The following MED27 variants were observed in gnomAD, a reference collection of about 807,000 sequenced individuals.
MED27 encodes the protein mediator complex subunit 27, also known as mediator of RNA polymerase II transcription subunit 27.
In MED27, 30 loss-of-function variants were observed where a neutral mutation model predicts 38.2. That is an observed-to-expected ratio of 0.79 (90% CI 0.59 to 1.07). MED27 has a LOEUF of 1.07. Ranked by LOEUF, MED27 falls within the 50% of genes least tolerant of loss-of-function variation. MED27 has a pLI of 0.00. For missense variants in MED27, 289 were observed against 397.5 expected, an observed-to-expected ratio of 0.73 and a Z score of 2.32; for synonymous variants, 122 against 153.5, an observed-to-expected ratio of 0.79 and a Z score of 1.52.
rs1183592567 is a variant in MED27, at chr9:131,872,273, A to G, written c.724-9133T>C. Among the ~76,000 whole-genome samples the G allele has an allele frequency of 6.6e-6, 1 of 151,918 alleles. No homozygotes were observed. Among genetic ancestry groups the G allele is most frequent in the Non-Finnish European group, 1.5e-5 (1 of 67,950 alleles). ...GGCCGAGCAGCGCCTGGGGGAGCTGAGCTTGAACAGAGACGCTCTTCCTAA... is the reference window on the plus strand; with the variant it reads ...GGCCGAGCAGCGCCTGGGGGAGCTGGGCTTGAACAGAGACGCTCTTCCTAA... On this transcript the variant is annotated intron_variant, in intron 6 of 7. Coordinates refer to ENST00000292035, the MANE Select transcript of MED27 (RefSeq NM_004269.4). This position sits in a 1 kb window ranked among gnomAD's most constrained non-coding sequence, Gnocchi z 5.6.
chr9:132,048,372 T>C (rs750318340), intron 2 of MED27, among the ~76,000 whole-genome samples: 9 of 152,132 alleles, frequency 5.9e-5, no homozygotes, highest in African/African-American at 1.7e-4. Flanking sequence ...CTACAGCTGA[T>C]AGTTAATAAA....
At chr9:131,903,728 T>C (rs562464511) in intron 4 of MED27, among the ~76,000 whole-genome samples, 1 of 152,156 alleles carries the variant, frequency 6.6e-6, no homozygotes, top group South Asian at 2.1e-4. Flanking sequence ...ATCACTGTTG[T>C]CATTATTATT....
chr9:132,024,832 A>G (rs1832784100), intron 2 of MED27, among the ~76,000 whole-genome samples: 1 of 152,204 alleles, frequency 6.6e-6, no homozygotes, highest in Non-Finnish European at 1.5e-5. Flanking sequence ...TTTTTAATCT[A>G]CACACAACCT....
In MED27 at chr9:131,913,452, A is replaced by G. The variant is rs779588057; in HGVS notation, c.574-19460T>C. On this transcript the variant is annotated intron_variant, in intron 4 of 7. Coordinates refer to ENST00000292035, the MANE Select transcript of MED27 (RefSeq NM_004269.4). The surrounding 1 kb of genome is among the most constrained non-coding windows in gnomAD (Gnocchi z 4.5). Reference sequence around the variant, plus strand: ...GAACATCAAATAAATAATCATAAGCATATAGTAAGGGGTCAAATAGAGTCC... The same window carrying G: ...GAACATCAAATAAATAATCATAAGCGTATAGTAAGGGGTCAAATAGAGTCC... Among the ~76,000 whole-genome samples the G allele has an allele frequency of 3.3e-5, 5 of 152,216 alleles. No homozygotes were observed. Among genetic ancestry groups the G allele is most frequent in the African/African-American group, 4.8e-5 (2 of 41,456 alleles).
chr9:132,077,504 G>C lies in MED27; in HGVS notation c.286C>G (p.Pro96Ala), dbSNP rs781413707. 1.9e-6 allele frequency: 3 copies of C among 1,614,102 alleles called. No individual in the cohort carries two copies. Among genetic ancestry groups the C allele is most frequent in the Non-Finnish European group, 2.5e-6 (3 of 1,179,972 alleles). ...LHNSGLLSLD[P>A]VQDKTPLYSQ... ...TAGAGAGGAGTTTTGTCCTGCACAG[G>C]ATCCAGGCTTAACAGCCCACTGTTA... The change falls in exon 2 of 8, where the codon CCT becomes GCT. Residue 96 changes from proline to alanine, a missense_variant. Transcript: ENST00000292035.
At chr9:132,025,125 C>T (rs1261809307) in intron 2 of MED27, among the ~76,000 whole-genome samples, 1 of 151,210 alleles carries the variant, frequency 6.6e-6, no homozygotes, top group Non-Finnish European at 1.5e-5. Flanking sequence ...AAGCTAAAGT[C>T]ATACATATTA....
chr9:131,947,415 T>C (rs1445497562), intron 3 of MED27, among the ~76,000 whole-genome samples: 1 of 152,206 alleles, frequency 6.6e-6, no homozygotes, highest in African/African-American at 2.4e-5. Flanking sequence ...GTTATTGACA[T>C]GCCAATTTTA....
rs1432175549 is a variant in MED27 at position 131,982,707 on chromosome 9, A to G, written c.479+31630T>C. ...AGGTGGTCCTCTAAATTGGGGACCA[A>G]CAAACATCTTCTTGAAGGCCCAGGG... On this transcript the variant is annotated intron_variant, in intron 3 of 7. Coordinates refer to ENST00000292035, the MANE Select transcript of MED27 (RefSeq NM_004269.4). This position sits in a 1 kb window ranked among gnomAD's most constrained non-coding sequence, Gnocchi z 4.3. Among the ~76,000 whole-genome samples, 1 of 152,184 alleles carries G rather than the reference A, an allele frequency of 6.6e-6. No individual in the cohort carries two copies. Among genetic ancestry groups the G allele is most frequent in the Non-Finnish European group, 1.5e-5 (1 of 68,038 alleles).
At chr9:131,922,593 G>A (rs977143964) in intron 4 of MED27, among the ~76,000 whole-genome samples, 36 of 151,436 alleles carry the variant, frequency 2.4e-4, no homozygotes, top group Admixed American at 2.0e-4. Context: ...GGCATGCACC[G>A]CCACACCCAG....
chr9:132,031,582 G>A (rs1419952113), intron 2 of MED27, among the ~76,000 whole-genome samples: 1 of 152,080 alleles, frequency 6.6e-6, no homozygotes, highest in African/African-American at 2.4e-5. Context: ...TGAAGTGGGA[G>A]ATCACTTGAG....
intron 3 of MED27, among the ~76,000 whole-genome samples, chr9:132,011,215 T>C (rs1208108131): frequency 6.6e-6 from 1 of 152,202 alleles, no homozygotes; most frequent in African/African-American, 2.4e-5. Flanking sequence ...ATTATTTTGC[T>C]TTTAAAACCT....
intron 6 of MED27, among the ~76,000 whole-genome samples, chr9:131,876,079 G>A (rs1395035356): frequency 6.6e-6 from 1 of 152,232 alleles, no homozygotes; most frequent in Non-Finnish European, 1.5e-5. Flanking sequence ...TGGGCTTAGA[G>A]AGCGGATGGG....
rs114792803 is a variant in MED27, at chr9:131,871,396, C to G, written c.724-8256G>C. ...GGACACTGTAATGACACAGAAAGGACTGGGGAGAAAAACCCTCTTAATACA... is the reference window on the plus strand; with the variant it reads ...GGACACTGTAATGACACAGAAAGGAGTGGGGAGAAAAACCCTCTTAATACA... On this transcript the variant is annotated intron_variant, in intron 6 of 7. Transcript: ENST00000292035. Among the ~76,000 whole-genome samples the G allele has an allele frequency of 2.9e-3, 443 of 152,274 alleles. 1 individual carries two copies. Among genetic ancestry groups the G allele is most frequent in the African/African-American group, 0.01 (422 of 41,548 alleles).
intron 2 of MED27, among the ~76,000 whole-genome samples, chr9:132,044,632 T>C (rs117591543): frequency 1.9e-4 from 29 of 152,352 alleles, no homozygotes; most frequent in Middle Eastern, 6.8e-3. Context: ...TTAACTGCTT[T>C]GCAGTTGGAT....
At chr9:131,994,220 G>C (rs778385608) in intron 3 of MED27, among the ~76,000 whole-genome samples, 1 of 152,066 alleles carries the variant, frequency 6.6e-6, no homozygotes, top group Non-Finnish European at 1.5e-5. Context: ...GCTTCAAGTC[G>C]CAATTCCCAG....
At chr9:132,048,234 C>T (rs1833383552) in intron 2 of MED27, among the ~76,000 whole-genome samples, 2 of 151,990 alleles carry the variant, frequency 1.3e-5, no homozygotes, top group African/African-American at 2.4e-5. Context: ...GATACTAAGT[C>T]ATGTTATAGA....
chr9:132,014,113 C>T lies in MED27; in HGVS notation c.479+224G>A, dbSNP rs559023856. 4.7e-5 allele frequency among the ~76,000 whole-genome samples: 7 copies of T among 147,878 alleles called. No homozygotes were observed. The East Asian group carries it at 6.0e-4, about 13-fold the overall frequency. ...CCCAGCTACTTGGGAAGCTGAGACA[C>T]GAGAATTGCTTGAACTCGAGGGGGT... is the stretch of plus-strand genomic sequence containing the variant. On this transcript the variant is annotated intron_variant, in intron 3 of 7. Transcript: ENST00000292035.
intron 4 of MED27, among the ~76,000 whole-genome samples, chr9:131,908,207 T>G (rs1830111605): frequency 7.2e-6 from 1 of 139,712 alleles, no homozygotes; most frequent in Admixed American, 6.9e-5. Flanking sequence ...TACTGGGAAG[T>G]GAGGAGCCCC....
At chr9:132,057,107 A>G (rs1410225616) in intron 2 of MED27, among the ~76,000 whole-genome samples, 1 of 152,164 alleles carries the variant, frequency 6.6e-6, no homozygotes, top group Non-Finnish European at 1.5e-5. Flanking sequence ...TGGTTCCACA[A>G]AACACCTAAA....
Sources: gnomAD v4.1 joint callset for allele counts (sites outside exome capture counted in the v4.1 genomes callset) on GRCh38, gnomAD v4.1.1 for gene constraint, Gnocchi (gnomAD v3.1) non-coding constraint, MANE v1.5 for transcripts, NCBI Gene and HGNC (gene_info 2026-07-23, HGNC 2026-07-21) for gene names.